Variants in PMEPA1 observed in about 807,000 individuals in gnomAD.
The protein encoded by PMEPA1 is protein TMEPAI.
A neutral mutation model predicts 23.0 loss-of-function variants in PMEPA1; 11 were observed. The observed-to-expected ratio is 0.48, with a 90% confidence interval of 0.30 to 0.79. The LOEUF is 0.79. PMEPA1 is among the 30% of genes least tolerant of loss of function. The pLI is 0.06. For synonymous variants in PMEPA1, 204 were observed against 166.4 expected (o/e 1.23, Z -1.74); for missense variants, 377 against 390.9 (o/e 0.96, Z 0.30).
In PMEPA1 at chr20:57,709,535, C is replaced by T; in HGVS notation, c.48G>A (p.Gly16=). The T allele has an allele frequency of 8.9e-7, 1 of 1,126,668 alleles. No individual in the cohort carries two copies. Among genetic ancestry groups the T allele is most frequent in the Non-Finnish European group, 1.1e-6 (1 of 900,284 alleles). The allele number at this position is 1,126,668 out of a possible 1,614,324, so 69.8% of individuals were successfully genotyped here. ...GVNSTAAAAA[G]QPNVSCTCNC... ...TGCACGTGCAGGAGACATTGGGCTG[C>T]CCGGCGGCGGCGGCGGCGGTGCTGT... Residue 16 remains glycine (G), a synonymous_variant, in exon 1 of 4, where the codon GGG becomes GGA. Transcript: ENST00000341744.
rs950613951 is a variant in PMEPA1, at chr20:57,704,750, G to C, written c.109+4724C>G. ...TAAACGTTTAAACCCCCTGGCCCTG[G>C]GCCACGATGGGAGTGGAGATGGTGG... On this transcript the variant is annotated intron_variant, in intron 1 of 3. Transcript: ENST00000341744. This position sits in a 1 kb window ranked among gnomAD's most constrained non-coding sequence, Gnocchi z 4.6. 6.6e-6 allele frequency among the ~76,000 whole-genome samples: 1 copy of C among 152,298 alleles called. No homozygotes were observed. The highest frequency in any genetic ancestry group is 6.5e-5 in the Admixed American group (1 of 15,308).
rs765527962 is a variant in PMEPA1 at position 57,659,576 on chromosome 20, G to C, written c.231C>G (p.Ser77Arg). The C allele has an allele frequency of 6.2e-7, 1 of 1,613,900 alleles. No individual in the cohort carries two copies. The highest frequency in any genetic ancestry group is 1.1e-5 in the South Asian group (1 of 91,020). The change falls in exon 2 of 4, where the codon AGC becomes AGG. Residue 77 changes from serine to arginine, a missense_variant. Coordinates refer to ENST00000341744, the MANE Select transcript of PMEPA1 (RefSeq NM_020182.5). Reference sequence around the variant, plus strand: ...GGGCATCTTCTCTCCTCCGCCCCTGGCTGTGCCGGCTGATGAAGGACCGTG... The same window carrying C: ...GGGCATCTTCTCTCCTCCGCCCCTGCCTGTGCCGGCTGATGAAGGACCGTG... The part of the protein sequence containing the change: ...LSARSFISRH[S>R]QGRRREDALS...
intron 1 of PMEPA1, among the ~76,000 whole-genome samples, chr20:57,672,678 G>T (rs371547544): frequency 2.0e-4 from 31 of 152,324 alleles, no homozygotes; most frequent in African/African-American, 7.5e-4. Context: ...TGGGCAGATG[G>T]GCAAGGTCAG....
At chr20:57,659,798 G>C (rs1365482146) in intron 1 of PMEPA1, 101 bp from the exon 2 acceptor site, 1 of 1,112,166 alleles carries the variant, frequency 9.0e-7, no homozygotes, top group Non-Finnish European at 1.3e-6. Context: ...AGGGGGACGA[G>C]AGTGCAACCC....
At chr20:57,700,445 A>C (rs2071996353) in intron 1 of PMEPA1, among the ~76,000 whole-genome samples, 1 of 152,256 alleles carries the variant, frequency 6.6e-6, no homozygotes, top group South Asian at 2.1e-4. Context: ...CAGTTTCTTA[A>C]GACTTAAAAG....
At chr20:57,698,576 A>C (rs1316916928) in intron 1 of PMEPA1, among the ~76,000 whole-genome samples, 2 of 152,252 alleles carry the variant, frequency 1.3e-5, no homozygotes, top group Non-Finnish European at 2.9e-5. Flanking sequence ...AAGTTGATTC[A>C]GACATTTACA....
intron 1 of PMEPA1, among the ~76,000 whole-genome samples, chr20:57,660,792 ACAC>A (rs926362228): frequency 1.3e-5 from 2 of 151,374 alleles, no homozygotes; most frequent in African/African-American, 4.9e-5. Context: ...ACTCCTACAC[ACAC>A]GTCAACAACA....
chr20:57,677,557 C>T (rs1413028871), intron 1 of PMEPA1, among the ~76,000 whole-genome samples: 2 of 152,206 alleles, frequency 1.3e-5, no homozygotes, highest in African/African-American at 2.4e-5. Flanking sequence ...TTCCCCAGCA[C>T]TCGCATCTTT....
At chr20:57,693,692 CAATTA>C (rs1342706574) in intron 1 of PMEPA1, among the ~76,000 whole-genome samples, 2 of 151,730 alleles carry the variant, frequency 1.3e-5, no homozygotes, top group Non-Finnish European at 1.5e-5. Context: ...CATCACAGAA[CAATTA>C]AATTAAGGAG....
At chr20:57,657,677 C>T (rs753739587) in intron 2 of PMEPA1, among the ~76,000 whole-genome samples, 4 of 152,222 alleles carry the variant, frequency 2.6e-5, no homozygotes, top group Non-Finnish European at 4.4e-5. Context: ...AACCTGGTGA[C>T]GCACTGAGGC....
chr20:57,657,900 C>G (rs138222681), intron 2 of PMEPA1, among the ~76,000 whole-genome samples: 1 of 152,218 alleles, frequency 6.6e-6, no homozygotes, highest in Non-Finnish European at 1.5e-5. Context: ...GGCTCAGAGA[C>G]GTGCCGCAGC....
chr20:57,684,358 AGC>A (rs1351686572), intron 1 of PMEPA1, among the ~76,000 whole-genome samples: 5 of 152,052 alleles, frequency 3.3e-5, no homozygotes, highest in African/African-American at 9.7e-5. Flanking sequence ...GGAACTCGGA[AGC>A]CTGCTTCCCT....
intron 1 of PMEPA1, among the ~76,000 whole-genome samples, chr20:57,697,669 G>A (rs1385942260): frequency 6.6e-6 from 1 of 152,216 alleles, no homozygotes; most frequent in Non-Finnish European, 1.5e-5. Context: ...TGCAGATGGG[G>A]AACCAACCAG....
chr20:57,706,129 T>TA (rs769300774), intron 1 of PMEPA1, among the ~76,000 whole-genome samples: 9 of 152,160 alleles, frequency 5.9e-5, no homozygotes, highest in Non-Finnish European at 1.3e-4. Flanking sequence ...CCACCGTAGA[T>TA]ACCACCAGAG....
At chr20:57,690,334 C>A in intron 1 of PMEPA1, 1 of 951,576 alleles carries the variant, frequency 1.1e-6, no homozygotes, top group Non-Finnish European at 1.5e-6. Flanking sequence ...CTGCCACCCG[C>A]CCTGCATCAG....
chr20:57,701,224 T>C (rs1170118322), intron 1 of PMEPA1, among the ~76,000 whole-genome samples: 1 of 152,118 alleles, frequency 6.6e-6, no homozygotes, highest in African/African-American at 2.4e-5. Context: ...GAATAGCTGA[T>C]CACCACCTGA....
intron 1 of PMEPA1, among the ~76,000 whole-genome samples, chr20:57,672,792 T>A (rs956888736): frequency 1.3e-5 from 2 of 152,134 alleles, no homozygotes; most frequent in Admixed American, 6.5e-5. Flanking sequence ...GCGGAGTAGC[T>A]TAGCGGTTAA....
intron 1 of PMEPA1, among the ~76,000 whole-genome samples, chr20:57,699,787 G>A (rs1044856833): frequency 7.9e-5 from 12 of 152,218 alleles, no homozygotes; most frequent in East Asian, 1.9e-4. Flanking sequence ...GGGGGAACCC[G>A]GGGCAAAGCT....
In PMEPA1 at chr20:57,655,894, T is replaced by TA. The variant is rs1429457067; in HGVS notation, c.265-2809dup. The stretch of plus-strand genomic sequence containing the variant: ...CTGTCATACCACTGAACCCTGCTGC[T>TA]ACAGCCAAGCGCAGCTATGGGCAAA... On this transcript the variant is annotated intron_variant, in intron 2 of 3. Transcript: ENST00000341744. The surrounding 1 kb of genome is among the most constrained non-coding windows in gnomAD (Gnocchi z 4.2). Among the ~76,000 whole-genome samples the TA allele has an allele frequency of 6.6e-6, 1 of 152,178 alleles. No individual in the cohort carries two copies. The highest frequency in any genetic ancestry group is 1.5e-5 in the Non-Finnish European group (1 of 68,036).
Sources: allele counts gnomAD v4.1 joint callset (sites outside exome capture counted in the v4.1 genomes callset), GRCh38; gene constraint gnomAD v4.1.1; non-coding constraint Gnocchi (gnomAD v3.1); transcripts MANE v1.5; gene names NCBI Gene and HGNC (gene_info 2026-07-23, HGNC 2026-07-21).